ZNF644: variants seen among roughly 807,000 people sequenced by gnomAD.
ZNF644 encodes the protein zinc finger protein 644.
A neutral mutation model predicts 108.0 loss-of-function variants in ZNF644; 20 were observed. That is an observed-to-expected ratio of 0.19 (90% CI 0.13 to 0.27). ZNF644 has a LOEUF of 0.27. Among genes scored for constraint, ZNF644 ranks in the 10% least tolerant of loss-of-function variants. The pLI, the probability that ZNF644 is intolerant of heterozygous loss-of-function variation, is 1.00. For missense variants in ZNF644, 1,338 were observed against 1,548.9 expected, an observed-to-expected ratio of 0.86 and a Z score of 2.29; for synonymous variants, 542 against 539.1, an observed-to-expected ratio of 1.01 and a Z score of -0.08.
At chr1:90,978,032 CTT>C (rs950605957) in intron 2 of ZNF644, among the ~76,000 whole-genome samples, 1 of 152,120 alleles carries the variant, frequency 6.6e-6, no homozygotes, top group Non-Finnish European at 1.5e-5. Context: ...TCACATGTGA[CTT>C]TTATAAAAAA....
chr1:90,939,322 G>C lies in ZNF644; in HGVS notation c.2032C>G (p.His678Asp), dbSNP rs751506785. ...TTCTGTATTCTGTGTGGCCGCTTAT[G>C]AATTTTTGAAAAACTACTTGATTGT... ...TSQSSSFSKI[H>D]KRPHRIQKAR... The change falls in exon 3 of 6, where the codon CAT (histidine) becomes GAT (aspartate). Residue 678 changes from histidine (H) to aspartate (D), a missense_variant. His to Asp is a moderately conservative substitution (Grantham distance 81). This residue lies in a region of ZNF644 where 462 missense variants were observed against 472.6 expected (regional missense o/e 0.98). Coordinates refer to ENST00000337393, the MANE Select transcript of ZNF644 (RefSeq NM_201269.3). The C allele has an allele frequency of 1.9e-6, 3 of 1,613,836 alleles. No homozygotes were observed. Among genetic ancestry groups the C allele is most frequent in the African/African-American group, 1.3e-5 (1 of 74,902 alleles).
chr1:90,993,428 A>C (rs1657830488), intron 1 of ZNF644, among the ~76,000 whole-genome samples: 1 of 152,112 alleles, frequency 6.6e-6, no homozygotes, highest in Non-Finnish European at 1.5e-5. Flanking sequence ...AAATGAGCCC[A>C]GTCAAGACCA....
At chr1:90,974,465 T>C (rs1269597597) in intron 2 of ZNF644, among the ~76,000 whole-genome samples, 2 of 152,174 alleles carry the variant, frequency 1.3e-5, no homozygotes, top group Admixed American at 6.5e-5. Flanking sequence ...GCTTAATACA[T>C]CTAAAATGTA....
At chr1:90,963,377 T>C (rs1385807151) in intron 2 of ZNF644, among the ~76,000 whole-genome samples, 1 of 152,148 alleles carries the variant, frequency 6.6e-6, no homozygotes, top group Non-Finnish European at 1.5e-5. Context: ...AATCCTCATA[T>C]ACTTGATGTG....
intron 1 of ZNF644, among the ~76,000 whole-genome samples, chr1:91,014,477 T>C (rs1029950640): frequency 2.0e-5 from 3 of 152,186 alleles, no homozygotes; most frequent in South Asian, 2.1e-4. Context: ...AGCTATAAAT[T>C]ATACAATTTT....
intron 4 of ZNF644, among the ~76,000 whole-genome samples, chr1:90,924,469 CTGATA>C (rs1649797843): frequency 6.6e-6 from 1 of 152,120 alleles, no homozygotes; most frequent in Admixed American, 6.6e-5. Flanking sequence ...CTCCGTATTT[CTGATA>C]TATCATTTCA....
At chr1:91,011,051 A>G (rs972931662) in intron 1 of ZNF644, among the ~76,000 whole-genome samples, 7 of 152,222 alleles carry the variant, frequency 4.6e-5, no homozygotes, top group African/African-American at 1.7e-4. Flanking sequence ...GATTTTCTAA[A>G]TCTAGCCCCC....
At chr1:90,918,617 C>T (rs942172163) in intron 4 of ZNF644, among the ~76,000 whole-genome samples, 5 of 151,958 alleles carry the variant, frequency 3.3e-5, no homozygotes, top group African/African-American at 1.2e-4. Flanking sequence ...TTAAGTAGGT[C>T]TTCTATACTT....
intron 2 of ZNF644, among the ~76,000 whole-genome samples, chr1:90,978,571 T>G (rs555997053): frequency 6.6e-6 from 1 of 152,202 alleles, no homozygotes; most frequent in South Asian, 2.1e-4. Flanking sequence ...TTAGAGAAAT[T>G]AATCTAAGAC....
intron 4 of ZNF644, among the ~76,000 whole-genome samples, chr1:90,921,857 A>G (rs1171675760): frequency 6.6e-6 from 1 of 152,140 alleles, no homozygotes; most frequent in African/African-American, 2.4e-5. Context: ...CTGCTATGCT[A>G]TGAATACGAC....
chr1:90,984,455 G>A (rs1656885122), intron 1 of ZNF644, among the ~76,000 whole-genome samples: 1 of 150,588 alleles, frequency 6.6e-6, no homozygotes, highest in South Asian at 2.1e-4. Context: ...TTTGGAGACA[G>A]AGGCTCACTA....
chr1:90,955,592 A>T (rs755316095), intron 2 of ZNF644, among the ~76,000 whole-genome samples: 1 of 152,074 alleles, frequency 6.6e-6, no homozygotes, highest in African/African-American at 2.4e-5. Context: ...CTTTCCTTAA[A>T]CCTCATGAAT....
intron 4 of ZNF644, among the ~76,000 whole-genome samples, chr1:90,928,043 A>G (rs1650260711): frequency 6.7e-6 from 1 of 149,852 alleles, no homozygotes; most frequent in Admixed American, 6.7e-5. Flanking sequence ...ACGGAGTTTC[A>G]CCATGTTGGC....
At chr1:91,000,627 G>T (rs1658669855) in intron 1 of ZNF644, among the ~76,000 whole-genome samples, 1 of 151,420 alleles carries the variant, frequency 6.6e-6, no homozygotes, top group African/African-American at 2.4e-5. Context: ...CAATTAACCA[G>T]AAAAGCAAGA....
chr1:90,980,778 T>C (rs1024811240), intron 2 of ZNF644, among the ~76,000 whole-genome samples: 5 of 152,072 alleles, frequency 3.3e-5, no homozygotes, highest in Non-Finnish European at 5.9e-5. Context: ...CTGACAGAAT[T>C]CAGAAAGATG....
intron 4 of ZNF644, among the ~76,000 whole-genome samples, chr1:90,919,384 GAA>G (rs1649169259): frequency 6.6e-6 from 1 of 152,056 alleles, no homozygotes; most frequent in Non-Finnish European, 1.5e-5. Context: ...TCTGTGAAAC[GAA>G]TTGTTCAAAG....
In ZNF644 at chr1:90,938,113, A is replaced by AAT. The variant is rs1651541082; in HGVS notation, c.3083-25_3083-24dup. 6.2e-7 allele frequency: 1 copy of AAT among 1,610,074 alleles called. No homozygotes were observed. The highest frequency in any genetic ancestry group is 1.3e-5 in the African/African-American group (1 of 74,808). On this transcript the variant is annotated intron_variant, in intron 3 of 5. Transcript: ENST00000337393. The surrounding 1 kb of genome is among the most constrained non-coding windows in gnomAD (Gnocchi z 4.2). ...TAGCTAGAAAAAAATTTTTAAGAGT[A>AAT]ATATCAGACTTTCTTATATAAACTG...
At chr1:90,929,406 G>C (rs1650452894) in intron 4 of ZNF644, among the ~76,000 whole-genome samples, 1 of 152,306 alleles carries the variant, frequency 6.6e-6, no homozygotes, top group African/African-American at 2.4e-5. Flanking sequence ...AGCCCAGTCT[G>C]GAAGAATTGT....
In ZNF644 at chr1:90,937,736, CCTT is replaced by C. The variant is rs748443944; in HGVS notation, c.3434_3436del (p.Glu1145del). On this transcript the variant is annotated inframe_deletion, in exon 4 of 6. Transcript: ENST00000337393. ...ATCATATTCATTTAAGAAATTCAGC[CCTT>C]CTTCTTCTGATGCAGACACTGACAG... 9.9e-6 allele frequency: 16 copies of C among 1,613,626 alleles called. No homozygotes were observed. The highest frequency in any genetic ancestry group is 6.7e-5 in the African/African-American group (5 of 74,964).
Sources: allele counts gnomAD v4.1 joint callset (sites outside exome capture counted in the v4.1 genomes callset), GRCh38; gene constraint gnomAD v4.1.1; regional missense constraint gnomAD v4.1.1; non-coding constraint Gnocchi (gnomAD v3.1); transcripts MANE v1.5; gene names NCBI Gene and HGNC (gene_info 2026-07-23, HGNC 2026-07-21).